The following MAGI1 variants were observed in gnomAD, a reference collection of about 807,000 sequenced individuals.
MAGI1 encodes the protein membrane associated guanylate kinase, WW and PDZ domain containing 1.
In MAGI1, 58 loss-of-function variants were observed where a neutral mutation model predicts 139.9. That is an observed-to-expected ratio of 0.41 (90% CI 0.34 to 0.52). The LOEUF (loss-of-function observed/expected upper bound fraction) is 0.52, where lower values mean the gene tolerates loss of function less well. MAGI1 is among the 20% of genes least tolerant of loss of function. MAGI1 has a pLI of 0.12. For missense variants in MAGI1, 1,874 were observed against 1,901.6 expected (o/e 0.99, Z 0.27); for synonymous variants, 812 against 737.9 (o/e 1.10, Z -1.63).
chr3:65,527,299 G>T (rs2078430567), intron 2 of MAGI1, among the ~76,000 whole-genome samples: 1 of 152,188 alleles, frequency 6.6e-6, no homozygotes, highest in Non-Finnish European at 1.5e-5. Context: ...ATATTTCAGG[G>T]CTGGGTACGG....
chr3:65,354,873 G>A lies in MAGI1; in HGVS notation c.*1505C>T, dbSNP rs549126832. 1.4e-4 allele frequency: 21 copies of A among 151,356 alleles called. No individual in the cohort carries two copies. In the East Asian group the frequency reaches 4.1e-3, roughly 29 times the overall value. 9.4% of individuals were successfully genotyped at this position (151,356 alleles called of 1,614,324 possible). A position where few individuals can be genotyped will look rare whatever the true frequency, so the allele number is the denominator to read the frequency against. ...TTTTAGCTCTGTACACGCAATGATT[G>A]GCTGGTTTTCTTTTTTTTTTTCTTT... On this transcript the variant is annotated 3_prime_UTR_variant, in exon 23 of 23. Transcript: ENST00000402939.
chr3:65,424,852 G>T (rs1946891703), intron 12 of MAGI1, among the ~76,000 whole-genome samples: 1 of 152,106 alleles, frequency 6.6e-6, no homozygotes, highest in Non-Finnish European at 1.5e-5. Flanking sequence ...AACTCTGGTT[G>T]TATATCAGAA....
rs1437094128 is a variant in MAGI1, at chr3:65,400,594, G to GTTGA, written c.2199+841_2199+844dup. Among the ~76,000 whole-genome samples the GTTGA allele has an allele frequency of 3.6e-4, 55 of 152,002 alleles. 3 individuals are homozygous for GTTGA. The highest frequency in any genetic ancestry group is 1.0e-4 in the Non-Finnish European group (7 of 68,022). ...TTTCACAGGCACTGGAGTTCCAGAT[G>GTTGA]TTGAGTTAAGCAGCATTTTAATTTG... On this transcript the variant is annotated intron_variant, in intron 13 of 22. Coordinates refer to ENST00000402939, the MANE Select transcript of MAGI1 (RefSeq NM_001033057.2).
intron 1 of MAGI1, among the ~76,000 whole-genome samples, chr3:65,887,967 C>T (rs959897376): frequency 6.6e-6 from 1 of 152,166 alleles, no homozygotes; most frequent in Non-Finnish European, 1.5e-5. Context: ...CTCTCAATAA[C>T]TGACTGTATC....
At chr3:65,578,207 C>T (rs1043846782) in intron 2 of MAGI1, among the ~76,000 whole-genome samples, 2 of 152,210 alleles carry the variant, frequency 1.3e-5, no homozygotes, top group Non-Finnish European at 2.9e-5. Context: ...TACCATGTTG[C>T]TTCCCATAAA....
At chr3:65,518,129 T>G (rs2107788869) in intron 2 of MAGI1, among the ~76,000 whole-genome samples, 1 of 152,216 alleles carries the variant, frequency 6.6e-6, no homozygotes, top group African/African-American at 2.4e-5. Flanking sequence ...ATCCCTCTAG[T>G]TAGCAGCTTA....
Position 65,582,158 on chromosome 3 carries a change from G to A in MAGI1, c.430+39814C>T, listed in dbSNP as rs893797880. ...TTATAGGCTGTACTTGAATGTAAGCGCCCTGAAGGCAAGGATTTTAGGCTG... is the reference window on the plus strand; with the variant it reads ...TTATAGGCTGTACTTGAATGTAAGCACCCTGAAGGCAAGGATTTTAGGCTG... On this transcript the variant is annotated intron_variant, in intron 2 of 22. Transcript: ENST00000402939. Among the ~76,000 whole-genome samples, 19 of 152,170 alleles carry A rather than the reference G, an allele frequency of 1.2e-4. 1 individual carries two copies. The highest frequency in any genetic ancestry group is 4.1e-4 in the South Asian group (2 of 4,832).
At chr3:65,655,106 C>CCG (rs2085797354) in intron 1 of MAGI1, among the ~76,000 whole-genome samples, 1 of 152,184 alleles carries the variant, frequency 6.6e-6, no homozygotes, top group African/African-American at 2.4e-5. Flanking sequence ...TTATTACACA[C>CCG]AGTGTGTCTT....
At chr3:65,466,400 G>C (rs1320010878) in intron 5 of MAGI1, among the ~76,000 whole-genome samples, 1 of 152,098 alleles carries the variant, frequency 6.6e-6, no homozygotes, top group Non-Finnish European at 1.5e-5. Context: ...AAGAGGAAAG[G>C]GGGCTATCTG....
At chr3:65,728,283 T>C (rs578114434) in intron 1 of MAGI1, among the ~76,000 whole-genome samples, 3 of 152,208 alleles carry the variant, frequency 2.0e-5, no homozygotes, top group Non-Finnish European at 4.4e-5. Context: ...AACAGGATGA[T>C]TGGAGCTGGA....
At chr3:65,432,978 A>C (rs2107359053) in intron 10 of MAGI1, among the ~76,000 whole-genome samples, 1 of 152,254 alleles carries the variant, frequency 6.6e-6, no homozygotes, top group Non-Finnish European at 1.5e-5. Context: ...CTTAGCATTT[A>C]CCACCTTCCA....
chr3:65,444,052 G>A (rs543128912), intron 7 of MAGI1, among the ~76,000 whole-genome samples: 49 of 152,284 alleles, frequency 3.2e-4, no homozygotes, highest in African/African-American at 9.9e-4. Context: ...TGCACATCAA[G>A]AGACATTAAT....
At chr3:65,555,192 A>C (rs1205421236) in intron 2 of MAGI1, among the ~76,000 whole-genome samples, 2 of 152,200 alleles carry the variant, frequency 1.3e-5, no homozygotes, top group Non-Finnish European at 2.9e-5. Flanking sequence ...TTTTTTCAAC[A>C]AAAGTATTTT....
intron 15 of MAGI1, 26 bp downstream of exon 15, chr3:65,383,506 G>T: frequency 6.4e-7 from 1 of 1,560,226 alleles, no homozygotes; most frequent in Non-Finnish European, 8.8e-7. Context: ...AAATATGCTG[G>T]GAAGAGAGAC....
At chr3:65,734,156 G>A (rs1007050817) in intron 1 of MAGI1, among the ~76,000 whole-genome samples, 1 of 152,092 alleles carries the variant, frequency 6.6e-6, no homozygotes, top group African/African-American at 2.4e-5. Flanking sequence ...TCATTTGCAG[G>A]TTAAAAACAT....
At chr3:65,706,722 A>T (rs959118208) in intron 1 of MAGI1, among the ~76,000 whole-genome samples, 2 of 152,126 alleles carry the variant, frequency 1.3e-5, no homozygotes, top group African/African-American at 4.8e-5. Flanking sequence ...ATCTGACAGC[A>T]TTACTGACTT....
At chr3:65,786,077 T>A (rs1235619690) in intron 1 of MAGI1, among the ~76,000 whole-genome samples, 2 of 151,742 alleles carry the variant, frequency 1.3e-5, no homozygotes, top group Non-Finnish European at 2.9e-5. Flanking sequence ...TGCCTCAGCC[T>A]CCCGAGTAGC....
At chr3:65,660,870 T>G (rs990308756) in intron 1 of MAGI1, among the ~76,000 whole-genome samples, 13 of 152,160 alleles carry the variant, frequency 8.5e-5, no homozygotes, top group African/African-American at 2.9e-4. Context: ...AAGGACCAAT[T>G]ATTACTAGAA....
intron 1 of MAGI1, among the ~76,000 whole-genome samples, chr3:65,701,025 C>A (rs1389597701): frequency 6.6e-6 from 1 of 152,058 alleles, no homozygotes; most frequent in East Asian, 1.9e-4. Flanking sequence ...GGCTCATTAC[C>A]AACTTGGAAA....
Sources: allele counts gnomAD v4.1 joint callset (sites outside exome capture counted in the v4.1 genomes callset), GRCh38; gene constraint gnomAD v4.1.1; transcripts MANE v1.5; gene names NCBI Gene and HGNC (gene_info 2026-07-23, HGNC 2026-07-21).